The following PHYKPL variants were observed in gnomAD, a reference collection of about 807,000 sequenced individuals.
The protein encoded by PHYKPL is 5-phosphonooxy-L-lysine phospho-lyase.
PHYKPL carries 42 observed loss-of-function variants against 51.3 expected under a neutral mutation model. The observed-to-expected ratio is 0.82, with a 90% CI of 0.64 to 1.06. PHYKPL has a LOEUF of 1.06. Ranked by LOEUF, PHYKPL falls within the 50% of genes least tolerant of loss-of-function variation. The probability of loss-of-function intolerance (pLI) is 0.00; values close to 1 mark genes in which losing one functional copy is unlikely to be tolerated. For synonymous variants in PHYKPL, 264 were observed against 236.0 expected (o/e 1.12, Z -1.09); for missense variants, 655 against 586.6 (o/e 1.12, Z -1.20).
rs765821328 is a variant in PHYKPL at position 178,231,880 on chromosome 5, G to T, written c.60-357C>A. ...AAGGCCGCGTGTCTTCGATGGGATG[G>T]GCCAGGGCACCAACATTAGGTGCCT... is the stretch of plus-strand genomic sequence containing the variant. On this transcript the variant is annotated intron_variant, in intron 1 of 12. Transcript: ENST00000308158. 2.3e-6 allele frequency: 3 copies of T among 1,326,692 alleles called. No individual in the cohort carries two copies. The South Asian group carries it at 3.7e-5, about 16-fold the overall frequency. The allele number at this position is 1,326,692 out of a possible 1,614,324, so 82.2% of individuals were successfully genotyped here.
At chr5:178,220,961 A>G (rs539674194) in intron 8 of PHYKPL, among the ~76,000 whole-genome samples, 1 of 152,318 alleles carries the variant, frequency 6.6e-6, no homozygotes, top group East Asian at 1.9e-4. Flanking sequence ...TATGGGATTG[A>G]GAGTGATGGT....
chr5:178,224,553 T>C lies in PHYKPL; in HGVS notation c.513A>G (p.Pro171=), dbSNP rs1561726553. ...CCCGGTAGGGGCCCCGGTAGGTGTCTGGGAGAGGTGCCTGTGGGGAGTGAC... is the reference window on the plus strand; with the variant it reads ...CCCGGTAGGGGCCCCGGTAGGTGTCCGGGAGAGGTGCCTGTGGGGAGTGAC... The part of the protein sequence containing the change: ...QKEWVHVAPL[P]DTYRGPYRED... The change falls in exon 6 of 13, where the codon CCA becomes CCG. Residue 171 remains proline (P), a synonymous_variant. Transcript: ENST00000308158. 2 of 1,614,220 alleles carry C rather than the reference T, an allele frequency of 1.2e-6. No individual in the cohort carries two copies. Among genetic ancestry groups the C allele is most frequent in the Non-Finnish European group, 1.7e-6 (2 of 1,180,014 alleles).
chr5:178,230,121 C>T (rs1581379453), intron 2 of PHYKPL, 22 bp from the exon 3 acceptor site: 1 of 1,612,106 alleles, frequency 6.2e-7, no homozygotes, highest in East Asian at 2.2e-5. Context: ...CCGCCTCCGT[C>T]ACACGGCTGG....
chr5:178,230,273 G>A lies in PHYKPL; in HGVS notation c.179-174C>T, dbSNP rs76578850. ...GAGAGAAGCTGGTTCTGGAAAGGCA[G>A]ATCCAGGAGTTCCTGAGATTCTGGC... On this transcript the variant is annotated intron_variant, in intron 2 of 12. Coordinates refer to ENST00000308158, the MANE Select transcript of PHYKPL (RefSeq NM_153373.4). The A allele has an allele frequency of 3.6e-3, 2,575 of 705,816 alleles. 53 individuals are homozygous for A. In the African/African-American group the frequency reaches 0.041, roughly 11 times the overall value. The allele number at this position is 705,816 out of a possible 1,614,324, so 43.7% of individuals were successfully genotyped here.
At chr5:178,212,061 T>A (rs945269554) in intron 11 of PHYKPL, 91 bp from the exon 12 acceptor site, 15 of 1,410,248 alleles carry the variant, frequency 1.1e-5, no homozygotes, top group African/African-American at 5.6e-5. Context: ...GAGGACAGTT[T>A]AGAGATTGGG....
rs1762097845 is a variant in PHYKPL, at chr5:178,225,436, C to T, written c.339-7G>A. Reference sequence around the variant, plus strand: ...CAGGTCATTGGCTTCTGACCTATGACCGAAAAGGTGGGCATGACTGAGAGA... The same window carrying T: ...CAGGTCATTGGCTTCTGACCTATGATCGAAAAGGTGGGCATGACTGAGAGA... On this transcript the variant is annotated splice_polypyrimidine_tract_variant and splice_region_variant and intron_variant, in intron 3 of 12. Coordinates refer to ENST00000308158, the MANE Select transcript of PHYKPL (RefSeq NM_153373.4). The T allele has an allele frequency of 6.2e-7, 1 of 1,614,022 alleles. No homozygotes were observed. The highest frequency in any genetic ancestry group is 1.1e-5 in the South Asian group (1 of 91,086).
Position 178,212,373 on chromosome 5 carries a change from T to A in PHYKPL, c.1304-403A>T, listed in dbSNP as rs114413569. On this transcript the variant is annotated intron_variant, in intron 11 of 12. Transcript: ENST00000308158. Reference sequence around the variant, plus strand: ...GCACAGGTTGCTTGGCTGGCAGTTGTGATCTCTACTGTGAGATGCAACTGT... The same window carrying A: ...GCACAGGTTGCTTGGCTGGCAGTTGAGATCTCTACTGTGAGATGCAACTGT... Among the ~76,000 whole-genome samples, 1,387 of 152,370 alleles carry A rather than the reference T, an allele frequency of 9.1e-3. 19 individuals carry two copies. Among genetic ancestry groups the A allele is most frequent in the African/African-American group, 0.032 (1,326 of 41,582 alleles).
chr5:178,210,273 G>C, intron 12 of PHYKPL: 1 of 1,614,146 alleles, frequency 6.2e-7, no homozygotes, highest in Non-Finnish European at 8.5e-7. Context: ...TACGACTACA[G>C]TAAGTAGGAG....
intron 12 of PHYKPL, chr5:178,211,299 G>A (rs2961676): frequency 0.14 from 21,282 of 153,632 alleles, 1,537 homozygotes; most frequent in Middle Eastern, 0.22. Context: ...CAGTTGTGGG[G>A]GTATCCTTTA....
At chr5:178,210,501 C>A in intron 12 of PHYKPL, 1 of 1,570,296 alleles carries the variant, frequency 6.4e-7, no homozygotes, top group Non-Finnish European at 8.8e-7. Context: ...AAGCGCGTGG[C>A]ACAGGGCAAA....
chr5:178,225,122 T>C lies in PHYKPL; in HGVS notation c.413+233A>G, dbSNP rs1762032652. On this transcript the variant is annotated intron_variant, in intron 4 of 12. Transcript: ENST00000308158. Reference sequence around the variant, plus strand: ...ATGTACAATGTTGTGGGACCACCTTTGAGTCTCTTACAAAGCGCACTCTGC... The same window carrying C: ...ATGTACAATGTTGTGGGACCACCTTCGAGTCTCTTACAAAGCGCACTCTGC... 4 of 588,326 alleles carry C rather than the reference T, an allele frequency of 6.8e-6. No homozygotes were observed. In the South Asian group the frequency reaches 8.4e-5, roughly 12 times the overall value. 36.4% of individuals were successfully genotyped at this position (588,326 alleles called of 1,614,324 possible). A position where few individuals can be genotyped will look rare whatever the true frequency, so the allele number is the denominator to read the frequency against.
rs201620418 is a variant in PHYKPL at position 178,222,946 on chromosome 5, T to C, written c.619-12A>G. On this transcript the variant is annotated splice_polypyrimidine_tract_variant and intron_variant, in intron 6 of 12. Coordinates refer to ENST00000308158, the MANE Select transcript of PHYKPL (RefSeq NM_153373.4). ...AAGAAGGCTGCAATCTGTGAAGAGA[T>C]GGACATTGGGAACACGACCATGGGG... 1,130 of 1,613,840 alleles carry C rather than the reference T, an allele frequency of 7.0e-4. 5 individuals are homozygous for C. The African/African-American group carries it at 0.012, about 17-fold the overall frequency.
chr5:178,231,585 A>G (rs1763422225), intron 1 of PHYKPL, 62 bp from the exon 2 acceptor site: 2 of 1,612,082 alleles, frequency 1.2e-6, no homozygotes, highest in Non-Finnish European at 1.7e-6. Context: ...AAGTCTACTC[A>G]TCGCAGACCC....
intron 12 of PHYKPL, chr5:178,210,335 G>GT: frequency 6.2e-7 from 1 of 1,606,680 alleles, no homozygotes; most frequent in Non-Finnish European, 8.5e-7. Context: ...GCAGGACAGT[G>GT]TAGGAGCCAC....
intron 2 of PHYKPL, 61 bp downstream of exon 2, chr5:178,231,344 G>A: frequency 6.2e-7 from 1 of 1,611,980 alleles, no homozygotes; most frequent in Non-Finnish European, 8.5e-7. Flanking sequence ...GGTCACCTTG[G>A]GACCAGGTTC....
chr5:178,232,704 G>C lies in PHYKPL; in HGVS notation c.-154C>G, dbSNP rs992143176. 9.3e-6 allele frequency: 8 copies of C among 857,958 alleles called. No individual in the cohort carries two copies. In the South Asian group the frequency reaches 3.5e-4, roughly 38 times the overall value. The allele number at this position is 857,958 out of a possible 1,614,324, so 53.1% of individuals were successfully genotyped here. A position where few individuals can be genotyped will look rare whatever the true frequency, so the allele number is the denominator to read the frequency against. The stretch of plus-strand genomic sequence containing the variant: ...CCCCGCCCCGAAGCGCCCGCGTTGC[G>C]GTGGTTCATTTCTTCGCTTGCCCAC... On this transcript the variant is annotated 5_prime_UTR_variant, in exon 1 of 13. Coordinates refer to ENST00000308158, the MANE Select transcript of PHYKPL (RefSeq NM_153373.4).
Position 178,222,455 on chromosome 5 carries a change from A to T in PHYKPL, c.827T>A (p.Met276Lys). ...GKDFVPDIVT[M>K]GKSIGNGHPV... ...GTGGCCGTTGCCAATGGACTTGCCC[A>T]TGGTGACGATGTCAGGGACGAAGTC... Residue 276 changes from methionine (M) to lysine (K), a missense_variant, in exon 8 of 13, where the codon ATG (methionine) becomes AAG (lysine). Coordinates refer to ENST00000308158, the MANE Select transcript of PHYKPL (RefSeq NM_153373.4). 6.2e-7 allele frequency: 1 copy of T among 1,614,264 alleles called. No homozygotes were observed. The highest frequency in any genetic ancestry group is 8.5e-7 in the Non-Finnish European group (1 of 1,180,044).
At chr5:178,212,099 A>G (rs1041107612) in intron 11 of PHYKPL, 129 bp from the exon 12 acceptor site, 6 of 944,090 alleles carry the variant, frequency 6.4e-6, no homozygotes, top group East Asian at 2.5e-5. Context: ...CCCATGTCCC[A>G]TTCCCCAAAG....
chr5:178,207,691 C>CTTTTTT (rs34424574), downstream of PHYKPL, among the ~76,000 whole-genome samples: 182 of 78,742 alleles, frequency 2.3e-3, no homozygotes, highest in African/African-American at 5.3e-3. Flanking sequence ...ACTTTGAGCA[C>CTTTTTT]TTTTTTTTTT....
Sources: gnomAD v4.1 joint callset for allele counts (sites outside exome capture counted in the v4.1 genomes callset) on GRCh38, gnomAD v4.1.1 for gene constraint, MANE v1.5 for transcripts, NCBI Gene and HGNC (gene_info 2026-07-23, HGNC 2026-07-21) for gene names.